The following NALF1 variants were observed in gnomAD, a reference collection of about 807,000 sequenced individuals.
NALF1 encodes NALCN channel auxiliary factor 1.
In NALF1, 3 loss-of-function variants were observed where a neutral mutation model predicts 48.4. The ratio of observed to expected loss-of-function variants is 0.06; its 90% confidence interval spans 0.03 to 0.16. The LOEUF is 0.16. NALF1 is among the 10% of genes least tolerant of loss of function. NALF1 has a pLI of 1.00. For missense variants in NALF1, 526 were observed against 571.5 expected (o/e 0.92, Z 0.81); for synonymous variants, 262 against 245.7 (o/e 1.07, Z -0.62).
intron 1 of NALF1, among the ~76,000 whole-genome samples, chr13:107,754,662 A>G (rs1877041559): frequency 6.6e-6 from 1 of 152,150 alleles, no homozygotes; most frequent in Non-Finnish European, 1.5e-5. Context: ...GGAAGTAGAG[A>G]GCATTTCGGT....
intron 1 of NALF1, among the ~76,000 whole-genome samples, chr13:107,726,514 G>C (rs2138531919): frequency 6.6e-6 from 1 of 151,958 alleles, no homozygotes; most frequent in Middle Eastern, 3.4e-3. Context: ...GTAAAGAAAG[G>C]CTCTTGCCCT....
At chr13:107,821,794 G>A (rs189554052) in intron 1 of NALF1, among the ~76,000 whole-genome samples, 14 of 152,202 alleles carry the variant, frequency 9.2e-5, no homozygotes, top group Admixed American at 2.6e-4. Flanking sequence ...GATTTTAAGC[G>A]AATCACTGAA....
chr13:107,814,740 T>C (rs1449354593), intron 1 of NALF1, among the ~76,000 whole-genome samples: 1 of 152,108 alleles, frequency 6.6e-6, no homozygotes, highest in Non-Finnish European at 1.5e-5. Context: ...TAATTGGACA[T>C]GGCAATACTC....
chr13:107,744,456 T>A (rs1318235308), intron 1 of NALF1, among the ~76,000 whole-genome samples: 1 of 152,144 alleles, frequency 6.6e-6, no homozygotes, highest in African/African-American at 2.4e-5. Flanking sequence ...ATTAATATAT[T>A]AAAATAAAGA....
chr13:107,610,470 C>G (rs1428191869), intron 1 of NALF1, among the ~76,000 whole-genome samples: 1 of 152,092 alleles, frequency 6.6e-6, no homozygotes, highest in Admixed American at 6.5e-5. Context: ...CAGTATGATA[C>G]AGTGAGCATT....
intron 1 of NALF1, among the ~76,000 whole-genome samples, chr13:107,433,638 T>A (rs571652163): frequency 1.3e-5 from 2 of 152,126 alleles, no homozygotes; most frequent in African/African-American, 4.8e-5. Flanking sequence ...AATACAAACA[T>A]TTGCTATTCT....
At chr13:107,243,375 T>A (rs1156667281) in intron 1 of NALF1, among the ~76,000 whole-genome samples, 2 of 152,222 alleles carry the variant, frequency 1.3e-5, no homozygotes, top group African/African-American at 4.8e-5. Context: ...CGCAGGTGAT[T>A]TCAGCGCATC....
intron 1 of NALF1, among the ~76,000 whole-genome samples, chr13:107,333,558 C>T (rs951593621): frequency 2.6e-5 from 4 of 152,088 alleles, no homozygotes; most frequent in South Asian, 4.2e-4. Context: ...GAGGAAGTTC[C>T]GTGAGTATTG....
At chr13:107,759,886 G>T (rs1489942272) in intron 1 of NALF1, among the ~76,000 whole-genome samples, 1 of 152,002 alleles carries the variant, frequency 6.6e-6, no homozygotes, top group Admixed American at 6.6e-5. Flanking sequence ...GGAATGAAGA[G>T]CCCATCAAGA....
chr13:107,363,423 G>A (rs188868887), intron 1 of NALF1, among the ~76,000 whole-genome samples: 67 of 152,168 alleles, frequency 4.4e-4, no homozygotes, highest in South Asian at 3.5e-3. Context: ...GTGAGACCAC[G>A]TTTCTACAAA....
intron 1 of NALF1, among the ~76,000 whole-genome samples, chr13:107,452,819 C>T (rs922935081): frequency 6.6e-6 from 1 of 152,180 alleles, no homozygotes; most frequent in Non-Finnish European, 1.5e-5. Flanking sequence ...TAGTTTCTTC[C>T]TAGATACAAA....
chr13:107,292,283 G>C (rs1317712045), intron 1 of NALF1, among the ~76,000 whole-genome samples: 1 of 152,190 alleles, frequency 6.6e-6, no homozygotes, highest in Non-Finnish European at 1.5e-5. Flanking sequence ...GCCATGAATG[G>C]AGCTTGCAGA....
chr13:107,188,392 G>A (rs1264532645), intron 2 of NALF1, among the ~76,000 whole-genome samples: 3 of 151,684 alleles, frequency 2.0e-5, no homozygotes, highest in Non-Finnish European at 4.4e-5. Flanking sequence ...AATTTGGCAG[G>A]TAAAACAATA....
chr13:107,829,913 T>C (rs1221533977), intron 1 of NALF1, among the ~76,000 whole-genome samples: 2 of 152,180 alleles, frequency 1.3e-5, no homozygotes, highest in African/African-American at 2.4e-5. Context: ...TCATGCACAG[T>C]ATCACTACGT....
intron 1 of NALF1, among the ~76,000 whole-genome samples, chr13:107,635,643 C>T (rs1021935701): frequency 6.6e-6 from 1 of 152,138 alleles, no homozygotes; most frequent in African/African-American, 2.4e-5. Flanking sequence ...AACTTCAATT[C>T]CTCCATCCAT....
chr13:107,555,168 G>A (rs1184489138), intron 1 of NALF1, among the ~76,000 whole-genome samples: 4 of 151,938 alleles, frequency 2.6e-5, no homozygotes, highest in Admixed American at 6.6e-5. Flanking sequence ...CCCGAACCAC[G>A]AGAATAGGGC....
rs370280664 is a variant in NALF1 at position 107,284,591 on chromosome 13, C to A, written c.916-73836G>T. ...TGTGTCCCGCCCTCCCCCTCAAATT[C>A]GTATGTTGAAGCCCTAACTCCAATG... On this transcript the variant is annotated intron_variant, in intron 1 of 2. Transcript: ENST00000375915. Among the ~76,000 whole-genome samples, 30 of 151,762 alleles carry A rather than the reference C, an allele frequency of 2.0e-4. No individual in the cohort carries two copies. In the East Asian group the frequency reaches 4.7e-3, roughly 24 times the overall value.
chr13:107,408,182 G>A (rs75366024), intron 1 of NALF1, among the ~76,000 whole-genome samples: 1 of 151,858 alleles, frequency 6.6e-6, no homozygotes, highest in Non-Finnish European at 1.5e-5. Flanking sequence ...TAAAAATAAC[G>A]AATAAGAACT....
intron 1 of NALF1, among the ~76,000 whole-genome samples, chr13:107,678,564 T>C (rs1881192642): frequency 6.6e-6 from 1 of 152,216 alleles, no homozygotes; most frequent in Non-Finnish European, 1.5e-5. Flanking sequence ...TCTGCGGTTT[T>C]GTATTAGTTC....
Sources: gnomAD v4.1 joint callset for allele counts (sites outside exome capture counted in the v4.1 genomes callset) on GRCh38, gnomAD v4.1.1 for gene constraint, MANE v1.5 for transcripts, NCBI Gene and HGNC (gene_info 2026-07-23, HGNC 2026-07-21) for gene names.